SH2D4B: variants seen among roughly 807,000 people sequenced by gnomAD.
SH2D4B encodes SH2 domain containing 4B.
A neutral mutation model predicts 61.5 loss-of-function variants in SH2D4B; 45 were observed. The ratio of observed to expected loss-of-function variants is 0.73; its 90% CI spans 0.58 to 0.94. The LOEUF (loss-of-function observed/expected upper bound fraction) is 0.94. SH2D4B is among the 40% of genes least tolerant of loss of function. SH2D4B has a pLI of 0.00. For missense variants in SH2D4B, 572 were observed against 574.2 expected (o/e 1.00, Z 0.04); for synonymous variants, 224 against 220.4 (o/e 1.02, Z -0.14).
chr10:80,576,005 A>G (rs901048843), intron 3 of SH2D4B, among the ~76,000 whole-genome samples: 9 of 152,230 alleles, frequency 5.9e-5, no homozygotes, highest in African/African-American at 2.2e-4. Flanking sequence ...TAACCGTGAA[A>G]GCACCTGCTC....
At chr10:80,592,715 C>CTT (rs60807866) in intron 4 of SH2D4B, among the ~76,000 whole-genome samples, 14,049 of 134,352 alleles carry the variant, frequency 0.1, 1,003 homozygotes, top group African/African-American at 0.15. Flanking sequence ...CTCTCTGTCT[C>CTT]TTTTTTTTTT....
rs1171907141 is a variant in SH2D4B, at chr10:80,644,008, G to T, written c.1225G>T (p.Val409Phe). Reference sequence around the variant, plus strand: ...TCTGTTTTAGGAGGAAATTATCACTGTTTCAGGAGGAGAGTTACTTCAGGA... The same window carrying T: ...TCTGTTTTAGGAGGAAATTATCACTTTTTCAGGAGGAGAGTTACTTCAGGA... ...VDFHKEEIIT[V>F]SGGELLQEPC... The change falls in exon 8 of 8, where the codon GTT (valine) becomes TTT (phenylalanine). Residue 409 changes from valine (V) to phenylalanine (F), a missense_variant. Transcript: ENST00000646907. 2 of 1,613,538 alleles carry T rather than the reference G, an allele frequency of 1.2e-6. No individual in the cohort carries two copies. The highest frequency in any genetic ancestry group is 1.7e-6 in the Non-Finnish European group (2 of 1,179,814).
intron 3 of SH2D4B, among the ~76,000 whole-genome samples, chr10:80,577,764 G>A (rs534719697): frequency 6.9e-4 from 104 of 150,774 alleles, no homozygotes; most frequent in East Asian, 1.2e-3. Flanking sequence ...GGGTTTCACC[G>A]TGTTAGCCAG....
chr10:80,555,585 G>C (rs1366312630), intron 1 of SH2D4B, among the ~76,000 whole-genome samples: 1 of 152,158 alleles, frequency 6.6e-6, no homozygotes, highest in Non-Finnish European at 1.5e-5. Context: ...GTGCATACCT[G>C]TGAGTAAAGA....
At chr10:80,558,400 C>T (rs1841864337) in intron 1 of SH2D4B, among the ~76,000 whole-genome samples, 1 of 152,028 alleles carries the variant, frequency 6.6e-6, no homozygotes, top group Non-Finnish European at 1.5e-5. Context: ...CCTACTTATC[C>T]TATTAATCAC....
chr10:80,635,995 G>A (rs1840158709), intron 7 of SH2D4B, among the ~76,000 whole-genome samples: 2 of 152,086 alleles, frequency 1.3e-5, no homozygotes. Context: ...TCCCTGCCCT[G>A]TGTCCAAGTG....
intron 1 of SH2D4B, among the ~76,000 whole-genome samples, chr10:80,568,156 G>A (rs1167321134): frequency 6.6e-6 from 1 of 151,752 alleles, no homozygotes; most frequent in Non-Finnish European, 1.5e-5. Flanking sequence ...GGCGCAATGA[G>A]AGATCACGTT....
At chr10:80,581,445 T>C (rs1842183477) in intron 3 of SH2D4B, among the ~76,000 whole-genome samples, 1 of 152,190 alleles carries the variant, frequency 6.6e-6, no homozygotes, top group Non-Finnish European at 1.5e-5. Context: ...AGAATGTAAC[T>C]ATATTTGGAG....
At chr10:80,575,488 C>T (rs116553768) in intron 3 of SH2D4B, among the ~76,000 whole-genome samples, 1,897 of 152,166 alleles carry the variant, frequency 0.012, 39 homozygotes, top group African/African-American at 0.044. Context: ...GGGCTGGGCA[C>T]AGTGGCTCAC....
At chr10:80,568,451 G>A (rs1427787182) in intron 1 of SH2D4B, among the ~76,000 whole-genome samples, 1 of 152,174 alleles carries the variant, frequency 6.6e-6, no homozygotes, top group Non-Finnish European at 1.5e-5. Flanking sequence ...GCTAACAGCA[G>A]CCTCTGGGAA....
intron 1 of SH2D4B, among the ~76,000 whole-genome samples, chr10:80,548,848 G>C (rs943380117): frequency 2.6e-5 from 4 of 152,196 alleles, no homozygotes; most frequent in Non-Finnish European, 4.4e-5. Flanking sequence ...GCAATGGGGG[G>C]TGACTTAGGG....
In SH2D4B at chr10:80,575,558, C is replaced by T. The variant is rs560451004; in HGVS notation, c.495+3980C>T. Among the ~76,000 whole-genome samples the T allele has an allele frequency of 1.1e-3, 160 of 152,126 alleles. 2 individuals are homozygous for T. Among genetic ancestry groups the T allele is most frequent in the South Asian group, 5.6e-3 (27 of 4,804 alleles). On this transcript the variant is annotated intron_variant, in intron 3 of 7. Transcript: ENST00000646907. ...GGTGGATCACTTGAGGTCAGGAGTT[C>T]GAGACCAGCCTGGCCAACATGGTGA...
chr10:80,619,878 G>A (rs1481763912), intron 6 of SH2D4B, among the ~76,000 whole-genome samples: 3 of 152,198 alleles, frequency 2.0e-5, no homozygotes, highest in East Asian at 1.9e-4. Flanking sequence ...ACTCTGTCCT[G>A]GAGTCTGGGC....
At chr10:80,643,417 A>G (rs1253696943) in intron 7 of SH2D4B, among the ~76,000 whole-genome samples, 3 of 152,036 alleles carry the variant, frequency 2.0e-5, no homozygotes, top group Non-Finnish European at 4.4e-5. Context: ...TTTTATGGTT[A>G]TAATTTTGCT....
chr10:80,586,003 G>C (rs948314546), intron 3 of SH2D4B, among the ~76,000 whole-genome samples: 7 of 152,182 alleles, frequency 4.6e-5, no homozygotes, highest in Non-Finnish European at 1.0e-4. Context: ...CGGGCAATGA[G>C]GGGCTTAGCA....
intron 1 of SH2D4B, among the ~76,000 whole-genome samples, chr10:80,565,145 C>T (rs577709138): frequency 6.6e-6 from 1 of 152,328 alleles, no homozygotes; most frequent in South Asian, 2.1e-4. Context: ...CAGGCTGATA[C>T]TCCTAAGTTA....
intron 6 of SH2D4B, among the ~76,000 whole-genome samples, chr10:80,626,378 T>C (rs1162061795): frequency 1.3e-5 from 2 of 152,242 alleles, no homozygotes; most frequent in Non-Finnish European, 2.9e-5. Context: ...TTATTCTTTG[T>C]AGTGATTTGC....
At chr10:80,613,144 C>G (rs1842620209) in intron 6 of SH2D4B, among the ~76,000 whole-genome samples, 1 of 152,264 alleles carries the variant, frequency 6.6e-6, no homozygotes, top group African/African-American at 2.4e-5. Flanking sequence ...TGGGAACAGG[C>G]TTTTCTCTGG....
At chr10:80,542,044 G>A (rs1841586802) in intron 1 of SH2D4B, among the ~76,000 whole-genome samples, 1 of 152,138 alleles carries the variant, frequency 6.6e-6, no homozygotes, top group South Asian at 2.1e-4. Context: ...CTAACATCAT[G>A]CTTATTGTGC....
Sources: allele counts gnomAD v4.1 joint callset (sites outside exome capture counted in the v4.1 genomes callset), GRCh38; gene constraint gnomAD v4.1.1; transcripts MANE v1.5; gene names NCBI Gene and HGNC (gene_info 2026-07-23, HGNC 2026-07-21).